NCK2: variants seen among roughly 807,000 people sequenced by gnomAD.
NCK2 encodes cytoplasmic protein NCK2.
Under a neutral mutation model 33.9 loss-of-function variants are expected in NCK2, and 16 were observed. That is an observed-to-expected ratio of 0.47 (90% CI 0.32 to 0.72). The LOEUF is 0.72. Among genes scored for constraint, NCK2 ranks in the 30% least tolerant of loss-of-function variants. NCK2 has a pLI of 0.03. For missense variants in NCK2, 418 were observed against 537.3 expected (o/e 0.78, Z 2.19); for synonymous variants, 273 against 239.9 (o/e 1.14, Z -1.27).
intron 1 of NCK2, among the ~76,000 whole-genome samples, chr2:105,759,027 A>G (rs1267274704): frequency 6.6e-6 from 1 of 152,256 alleles, no homozygotes; most frequent in Non-Finnish European, 1.5e-5. Flanking sequence ...GATTTACTAT[A>G]GTTAATTAGT....
chr2:105,768,491 G>T (rs570927021), intron 1 of NCK2, among the ~76,000 whole-genome samples: 1 of 152,260 alleles, frequency 6.6e-6, no homozygotes, highest in East Asian at 1.9e-4. Context: ...CTGTAAATTG[G>T]GGTTCCCATG....
Position 105,891,532 on chromosome 2 carries a change from A to ATTT in NCK2, c.949-1416_949-1414dup, listed in dbSNP as rs757598660. On this transcript the variant is annotated intron_variant, in intron 4 of 4. Coordinates refer to ENST00000233154, the MANE Select transcript of NCK2 (RefSeq NM_003581.5). The stretch of plus-strand genomic sequence containing the variant: ...TTTCAGCAAATGAGATAAAAGACCA[A>ATTT]TTTTTTTTTTTTTTTTTTTTTTTTT... Among the ~76,000 whole-genome samples, 46 of 81,344 alleles carry ATTT rather than the reference A, an allele frequency of 5.7e-4. 2 individuals are homozygous for ATTT. Among genetic ancestry groups the ATTT allele is most frequent in the Non-Finnish European group, 7.3e-4 (33 of 45,398 alleles). The allele number at this position is 81,344 out of a possible 152,430, so 53.4% of individuals were successfully genotyped here.
intron 1 of NCK2, among the ~76,000 whole-genome samples, chr2:105,795,121 G>T (rs1454487263): frequency 1.3e-5 from 2 of 152,136 alleles, no homozygotes; most frequent in African/African-American, 2.4e-5. Flanking sequence ...CCCCGACAGG[G>T]TGCTGCATTT....
intron 3 of NCK2, among the ~76,000 whole-genome samples, chr2:105,878,674 T>A (rs1408531164): frequency 2.0e-5 from 3 of 152,210 alleles, no homozygotes; most frequent in Admixed American, 1.3e-4. Flanking sequence ...TATGTTCACA[T>A]TTGGGGGGTA....
Position 105,894,187 on chromosome 2 carries a change from CT to C in NCK2, c.*1012del, listed in dbSNP as rs1679120257. On this transcript the variant is annotated 3_prime_UTR_variant, in exon 5 of 5. Transcript: ENST00000233154. ...TATAACGTCTTGAGATGGCACATTCCTACGATTGAAGAAGGGGTCTTGAGAT... is the reference window on the plus strand; with the variant it reads ...TATAACGTCTTGAGATGGCACATTCCACGATTGAAGAAGGGGTCTTGAGAT... 1 of 152,514 alleles carries C rather than the reference CT, an allele frequency of 6.6e-6. No homozygotes were observed. Among genetic ancestry groups the C allele is most frequent in the Admixed American group, 6.5e-5 (1 of 15,276 alleles). The allele number at this position is 152,514 out of a possible 1,614,324, so 9.4% of individuals were successfully genotyped here.
chr2:105,789,083 G>GT (rs1690782213), intron 1 of NCK2, among the ~76,000 whole-genome samples: 1 of 152,298 alleles, frequency 6.6e-6, no homozygotes, highest in South Asian at 2.1e-4. Context: ...CAGCGCCCAA[G>GT]TGAGCCCCAC....
rs924161483 is a variant in NCK2, at chr2:105,857,245, T to C, written c.226+1956T>C. On this transcript the variant is annotated intron_variant, in intron 3 of 4. Coordinates refer to ENST00000233154, the MANE Select transcript of NCK2 (RefSeq NM_003581.5). ...CACATCTTCCGCCCAGCATGCTTAG[T>C]TTTTTCATGAGCTGTGATCGGTTCA... 3.3e-5 allele frequency: 5 copies of C among 152,276 alleles called. No homozygotes were observed. The East Asian group carries it at 9.7e-4, about 29-fold the overall frequency. The allele number at this position is 152,276 out of a possible 1,614,324, so 9.4% of individuals were successfully genotyped here. A position where few individuals can be genotyped will look rare whatever the true frequency, so the allele number is the denominator to read the frequency against.
At chr2:105,829,768 CTT>C (rs1321687374) in intron 2 of NCK2, among the ~76,000 whole-genome samples, 2 of 151,998 alleles carry the variant, frequency 1.3e-5, no homozygotes, top group African/African-American at 2.4e-5. Context: ...CCTATGTACT[CTT>C]TGGAAGGAAG....
Position 105,881,512 on chromosome 2 carries a change from C to T in NCK2, c.411C>T (p.Arg137=). 1.2e-6 allele frequency: 2 copies of T among 1,614,014 alleles called. No individual in the cohort carries two copies. Among genetic ancestry groups the T allele is most frequent in the Non-Finnish European group, 8.5e-7 (1 of 1,180,010 alleles). Residue 137 remains arginine (R), a synonymous_variant, in exon 4 of 5, where the codon CGC becomes CGT. Coordinates refer to ENST00000233154, the MANE Select transcript of NCK2 (RefSeq NM_003581.5). ...EDELSLVKGS[R]VTVMEKCSDG... is the part of the protein sequence containing the mutation. ...AGTTGTCCCTGGTGAAGGGGTCGCGCGTCACCGTCATGGAGAAGTGCAGCG... is the reference window on the plus strand; with the variant it reads ...AGTTGTCCCTGGTGAAGGGGTCGCGTGTCACCGTCATGGAGAAGTGCAGCG...
chr2:105,784,939 T>C (rs1253943266), intron 1 of NCK2, among the ~76,000 whole-genome samples: 2 of 152,196 alleles, frequency 1.3e-5, no homozygotes, highest in Non-Finnish European at 2.9e-5. Context: ...TAGTTGTTTT[T>C]TATGTGTTTT....
chr2:105,884,765 G>A (rs995217960), intron 4 of NCK2, among the ~76,000 whole-genome samples: 2 of 152,168 alleles, frequency 1.3e-5, no homozygotes, highest in Non-Finnish European at 2.9e-5. Context: ...TTCCTGTCCT[G>A]AACTTCAGTA....
intron 1 of NCK2, among the ~76,000 whole-genome samples, chr2:105,776,790 G>A (rs778796962): frequency 2.6e-5 from 4 of 152,034 alleles, no homozygotes; most frequent in South Asian, 4.2e-4. Flanking sequence ...GTGACTATTC[G>A]AGGGTACCAT....
chr2:105,767,060 A>G (rs192054660), intron 1 of NCK2, among the ~76,000 whole-genome samples: 190 of 152,314 alleles, frequency 1.2e-3, no homozygotes, highest in African/African-American at 4.1e-3. Flanking sequence ...ATGGTCAGCC[A>G]GGTTCAGGCC....
At chr2:105,799,658 G>A (rs2104443655) in intron 1 of NCK2, among the ~76,000 whole-genome samples, 1 of 152,266 alleles carries the variant, frequency 6.6e-6, no homozygotes, top group African/African-American at 2.4e-5. Flanking sequence ...CTATATGAAA[G>A]CCTATAAAAA....
intron 2 of NCK2, among the ~76,000 whole-genome samples, chr2:105,838,263 TGATAAA>T (rs983061270): frequency 1.3e-4 from 20 of 152,186 alleles, no homozygotes; most frequent in African/African-American, 4.6e-4. Context: ...ATTTTGGAGT[TGATAAA>T]GATAAATGCA....
At chr2:105,883,565 T>G (rs1678595665) in intron 4 of NCK2, among the ~76,000 whole-genome samples, 1 of 152,288 alleles carries the variant, frequency 6.6e-6, no homozygotes, top group African/African-American at 2.4e-5. Context: ...AGAGGGTAGA[T>G]GAAAAAGGTG....
At chr2:105,878,773 C>T (rs966108081) in intron 3 of NCK2, among the ~76,000 whole-genome samples, 2 of 152,168 alleles carry the variant, frequency 1.3e-5, no homozygotes, top group Non-Finnish European at 2.9e-5. Flanking sequence ...CTCTGAGTTG[C>T]GCCAAAGACT....
At chr2:105,868,329 T>C (rs1482898817) in intron 3 of NCK2, among the ~76,000 whole-genome samples, 1 of 152,194 alleles carries the variant, frequency 6.6e-6, no homozygotes, top group Non-Finnish European at 1.5e-5. Flanking sequence ...GCACTCAGGT[T>C]GTCCTCAGTG....
intron 2 of NCK2, among the ~76,000 whole-genome samples, chr2:105,852,570 A>G (rs1573204635): frequency 6.6e-6 from 1 of 152,230 alleles, no homozygotes; most frequent in East Asian, 1.9e-4. Flanking sequence ...CCCTTCATGC[A>G]GTAGGAAATA....
Sources: allele counts gnomAD v4.1 joint callset (sites outside exome capture counted in the v4.1 genomes callset), GRCh38; gene constraint gnomAD v4.1.1; transcripts MANE v1.5; gene names NCBI Gene and HGNC (gene_info 2026-07-23, HGNC 2026-07-21).